The following PLK1 variants were observed in gnomAD, a reference collection of about 807,000 sequenced individuals.
The protein encoded by PLK1 is serine/threonine-protein kinase PLK1.
Under a neutral mutation model 56.7 loss-of-function variants are expected in PLK1, and 6 were observed. That is an observed-to-expected ratio of 0.11 (90% CI 0.06 to 0.21). PLK1 has a LOEUF of 0.21. Ranked by LOEUF, PLK1 falls within the 10% of genes least tolerant of loss-of-function variation. The probability of loss-of-function intolerance (pLI) is 1.00; values close to 1 mark genes in which losing one functional copy is unlikely to be tolerated. For missense variants in PLK1, 546 were observed against 814.4 expected (o/e 0.67, Z 4.01); for synonymous variants, 298 against 325.0 (o/e 0.92, Z 0.89).
Position 23,680,332 on chromosome 16 carries a change from G to T in PLK1, c.577+80G>T, listed in dbSNP as rs1257075090. 4 of 1,232,474 alleles carry T rather than the reference G, an allele frequency of 3.2e-6. No individual in the cohort carries two copies. In the African/African-American group the frequency reaches 4.5e-5, roughly 14 times the overall value. 76.3% of individuals were successfully genotyped at this position (1,232,474 alleles called of 1,614,324 possible). The stretch of plus-strand genomic sequence containing the variant: ...GGAGGAGGCTGGGAGAAAGGAAGGA[G>T]ACAACCCACAAGTCAGTATCTTGCC... On this transcript the variant is annotated intron_variant, in intron 2 of 9. Coordinates refer to ENST00000300093, the MANE Select transcript of PLK1 (RefSeq NM_005030.6).
Position 23,678,961 on chromosome 16 carries a change from T to C in PLK1, c.29T>C (p.Leu10Pro). 1.3e-6 allele frequency: 2 copies of C among 1,577,902 alleles called. No individual in the cohort carries two copies. The highest frequency in any genetic ancestry group is 8.6e-7 in the Non-Finnish European group (1 of 1,162,230). MSAAVTAGKLARAPADPGKA... is the reference protein window; with the variant it reads MSAAVTAGKPARAPADPGKA... ...AGTGCTGCAGTGACTGCAGGGAAGC[T>C]GGCACGGGCACCGGCCGACCCTGGG... is the stretch of plus-strand genomic sequence containing the variant. The change falls in exon 1 of 10, where the codon CTG becomes CCG. Residue 10 changes from leucine to proline, a missense_variant. Leu to Pro is a moderately conservative substitution (Grantham distance 98). Transcript: ENST00000300093.
chr16:23,685,425 T>C (rs1342218411), intron 5 of PLK1, among the ~76,000 whole-genome samples: 1 of 152,078 alleles, frequency 6.6e-6, no homozygotes. Flanking sequence ...ACTACAGGCA[T>C]GTGCCACCAT....
chr16:23,684,071 C>T lies in PLK1; in HGVS notation c.1018C>T (p.Leu340Phe), dbSNP rs1487608227. Residue 340 changes from leucine to phenylalanine, a missense_variant, in exon 5 of 10, where the codon CTC becomes TTC. Around this residue, in one of 7 missense-constraint regions of PLK1, gnomAD observed 157 missense variants for 184.0 expected, o/e 0.85. Transcript: ENST00000300093. ...SSLDPSNRKP[L>F]TVLNKGLENP... is the part of the protein sequence containing the mutation. ...CCTGGACCCCAGCAACCGGAAGCCC[C>T]TCACAGTCCTCAATAAAGGTACAAC... 13 of 1,613,858 alleles carry T rather than the reference C, an allele frequency of 8.1e-6. No homozygotes were observed. The highest frequency in any genetic ancestry group is 1.1e-5 in the Non-Finnish European group (13 of 1,179,844).
rs1959305166 is a variant in PLK1, at chr16:23,679,932, T to G, written c.409-152T>G. On this transcript the variant is annotated intron_variant, in intron 1 of 9. Transcript: ENST00000300093. ...CTGGAGAAGGAATGGGGTGGGGGCA[T>G]AGGGAAGGAGAGAAACCCACCAAGA... 1.2e-5 allele frequency: 7 copies of G among 598,172 alleles called. 1 individual carries two copies. The South Asian group carries it at 1.5e-4, about 12-fold the overall frequency. The allele number at this position is 598,172 out of a possible 1,614,324, so 37.1% of individuals were successfully genotyped here.
chr16:23,682,219 C>A, intron 4 of PLK1, 62 bp downstream of exon 4: 1 of 894,436 alleles, frequency 1.1e-6, no homozygotes, highest in Non-Finnish European at 1.9e-6. Context: ...TTTATGGAGC[C>A]CAGCAATATC....
intron 6 of PLK1, 101 bp downstream of exon 6, chr16:23,687,725 C>G (rs1244000923): frequency 1.2e-6 from 1 of 818,386 alleles, no homozygotes; most frequent in African/African-American, 1.7e-5. Flanking sequence ...TGTTCAGGCC[C>G]TGTCTGCATA....
chr16:23,679,565 A>C (rs1468407257), intron 1 of PLK1: 4 of 525,162 alleles, frequency 7.6e-6, no homozygotes, highest in Non-Finnish European at 1.3e-5. Context: ...AGTCTGAGTC[A>C]TGTTGCTGAT....
chr16:23,679,551 G>C (rs1597133640), intron 1 of PLK1: 3 of 561,062 alleles, frequency 5.3e-6, no homozygotes, highest in Non-Finnish European at 6.3e-6. Flanking sequence ...TTCCAGTGAA[G>C]TGGAGTCTGA....
Position 23,689,163 on chromosome 16 carries a change from C to T in PLK1, c.1271-75C>T. 7.5e-7 allele frequency: 1 copy of T among 1,334,408 alleles called. No homozygotes were observed. Among genetic ancestry groups the T allele is most frequent in the Non-Finnish European group, 1.1e-6 (1 of 942,566 alleles). The allele number at this position is 1,334,408 out of a possible 1,614,324, so 82.7% of individuals were successfully genotyped here. Reference sequence around the variant, plus strand: ...CCTCCCAAAGTGCTGGAATCACAGGCATGTGCCACCACGCCCGGTCCCACT... The same window carrying T: ...CCTCCCAAAGTGCTGGAATCACAGGTATGTGCCACCACGCCCGGTCCCACT... On this transcript the variant is annotated intron_variant, in intron 7 of 9. Transcript: ENST00000300093. The surrounding 1 kb of genome is among the most constrained non-coding windows in gnomAD (Gnocchi z 4.8).
At position 23,689,565 on chromosome 16, in the gene PLK1, G is replaced by A. The variant is rs139428942; in HGVS notation, c.1497G>A (p.Pro499=). 255 of 1,613,552 alleles carry A rather than the reference G, an allele frequency of 1.6e-4. No individual in the cohort carries two copies. Among genetic ancestry groups the A allele is most frequent in the African/African-American group, 3.6e-4 (27 of 74,912 alleles). ...HLLKAGANIT[P]REGDELARLP... ...TGAAGGCAGGTGCCAACATCACGCCGCGCGAAGGTGATGAGCTCGCCCGGC... is the reference window on the plus strand; with the variant it reads ...TGAAGGCAGGTGCCAACATCACGCCACGCGAAGGTGATGAGCTCGCCCGGC... Residue 499 remains proline, a synonymous_variant, in exon 9 of 10, where the codon CCG becomes CCA. Coordinates refer to ENST00000300093, the MANE Select transcript of PLK1 (RefSeq NM_005030.6). This position sits in a 1 kb window ranked among gnomAD's most constrained non-coding sequence, Gnocchi z 4.8.
intron 3 of PLK1, among the ~76,000 whole-genome samples, chr16:23,681,634 A>G (rs1341319511): frequency 6.6e-6 from 1 of 152,208 alleles, no homozygotes; most frequent in Non-Finnish European, 1.5e-5. Context: ...AGAGTTAGAA[A>G]TGAGTTGTAG....
At position 23,690,135 on chromosome 16, in the gene PLK1, C is replaced by CGCGGGAGCCAA; in HGVS notation, c.*72_*73insGCGGGAGCCAA. ...ATCTGGGGCCCATACTGGTTGGCTCCCGCGGTGCCATGTCTGCAGTGTGCC... is the reference window on the plus strand; with the variant it reads ...ATCTGGGGCCCATACTGGTTGGCTCCGCGGGAGCCAACGCGGTGCCATGTCTGCAGTGTGCC... On this transcript the variant is annotated 3_prime_UTR_variant, in exon 10 of 10. Coordinates refer to ENST00000300093, the MANE Select transcript of PLK1 (RefSeq NM_005030.6). 3.2e-6 allele frequency: 4 copies of CGCGGGAGCCAA among 1,231,264 alleles called. No homozygotes were observed. The highest frequency in any genetic ancestry group is 4.7e-6 in the Non-Finnish European group (4 of 850,904). The allele number at this position is 1,231,264 out of a possible 1,614,324, so 76.3% of individuals were successfully genotyped here.
chr16:23,689,197 T>C lies in PLK1; in HGVS notation c.1271-41T>C, dbSNP rs1959489163. On this transcript the variant is annotated intron_variant, in intron 7 of 9. Coordinates refer to ENST00000300093, the MANE Select transcript of PLK1 (RefSeq NM_005030.6). The surrounding 1 kb of genome is among the most constrained non-coding windows in gnomAD (Gnocchi z 4.8). ...CCACGCCCGGTCCCACTCCCCACTTTCTATTCCCCCTTTCTGAGACCTCTC... is the reference window on the plus strand; with the variant it reads ...CCACGCCCGGTCCCACTCCCCACTTCCTATTCCCCCTTTCTGAGACCTCTC... 6.3e-7 allele frequency: 1 copy of C among 1,577,942 alleles called. No homozygotes were observed. Among genetic ancestry groups the C allele is most frequent in the Non-Finnish European group, 8.7e-7 (1 of 1,152,100 alleles).
intron 3 of PLK1, among the ~76,000 whole-genome samples, chr16:23,681,592 G>A (rs951756142): frequency 1.3e-5 from 2 of 152,184 alleles, no homozygotes; most frequent in Non-Finnish European, 2.9e-5. Context: ...CTTTTCAGGT[G>A]TTATCTTTCT....
intron 4 of PLK1, among the ~76,000 whole-genome samples, chr16:23,682,550 G>A (rs971154948): frequency 6.8e-5 from 10 of 146,708 alleles, no homozygotes; most frequent in Admixed American, 6.1e-4. Flanking sequence ...TTTATTTGAG[G>A]TGGAGTTTTG....
Position 23,689,334 on chromosome 16 carries a change from G to A in PLK1, c.1367G>A (p.Arg456His), listed in dbSNP as rs199640055. 13 of 1,613,898 alleles carry A rather than the reference G, an allele frequency of 8.1e-6. No homozygotes were observed. Among genetic ancestry groups the A allele is most frequent in the Middle Eastern group, 3.3e-4 (2 of 6,062 alleles). ...NDGDSLQYIE[R>H]DGTESYLTVS... Reference sequence around the variant, plus strand: ...GGTGACAGCCTGCAGTACATAGAGCGTGACGGCACTGAGTCCTACCTCACC... The same window carrying A: ...GGTGACAGCCTGCAGTACATAGAGCATGACGGCACTGAGTCCTACCTCACC... Residue 456 changes from arginine (R) to histidine (H), a missense_variant, in exon 8 of 10, where the codon CGT becomes CAT. This residue lies in a region of PLK1 where 113 missense variants were observed against 202.0 expected (regional missense o/e 0.56). Transcript: ENST00000300093. This position sits in a 1 kb window ranked among gnomAD's most constrained non-coding sequence, Gnocchi z 4.8.
At chr16:23,681,933 G>A (rs1959337065) in intron 3 of PLK1, 131 bp from the exon 4 acceptor site, 1 of 633,054 alleles carries the variant, frequency 1.6e-6, no homozygotes, top group Non-Finnish European at 2.9e-6. Flanking sequence ...CTTAGGGATT[G>A]TCTTCAGGGG....
intron 6 of PLK1, 111 bp downstream of exon 6, chr16:23,687,735 A>G (rs1385288061): frequency 2.8e-6 from 2 of 706,896 alleles, no homozygotes; most frequent in East Asian, 6.1e-5. Context: ...CTGTCTGCAT[A>G]GGACCATTGG....
At position 23,689,359 on chromosome 16, in the gene PLK1, C is replaced by T. The variant is rs749247322; in HGVS notation, c.1392C>T (p.Thr464=). ...GTGACGGCACTGAGTCCTACCTCAC[C>T]GTGAGTTCCCATCCCAACTCCTTGA... ...IERDGTESYL[T]VSSHPNSLMK... Residue 464 remains threonine (T), a synonymous_variant, in exon 8 of 10, where the codon ACC becomes ACT. Coordinates refer to ENST00000300093, the MANE Select transcript of PLK1 (RefSeq NM_005030.6). This position sits in a 1 kb window ranked among gnomAD's most constrained non-coding sequence, Gnocchi z 4.8. 26 of 1,612,852 alleles carry T rather than the reference C, an allele frequency of 1.6e-5. No homozygotes were observed. Among genetic ancestry groups the T allele is most frequent in the Admixed American group, 5.0e-5 (3 of 59,986 alleles).
Sources: allele counts gnomAD v4.1 joint callset (sites outside exome capture counted in the v4.1 genomes callset), GRCh38; gene constraint gnomAD v4.1.1; regional missense constraint gnomAD v4.1.1; non-coding constraint Gnocchi (gnomAD v3.1); transcripts MANE v1.5; gene names NCBI Gene and HGNC (gene_info 2026-07-23, HGNC 2026-07-21).